The following ZNF236 variants were observed in gnomAD, a reference collection of about 807,000 sequenced individuals.
ZNF236 encodes the protein regulated by glucose.
In ZNF236, 50 loss-of-function variants were observed where a neutral mutation model predicts 191.2. That is an observed-to-expected ratio of 0.26 (90% CI 0.21 to 0.33). The LOEUF (loss-of-function observed/expected upper bound fraction) is 0.33, where lower values mean the gene tolerates loss of function less well. Among genes scored for constraint, ZNF236 ranks in the 10% least tolerant of loss-of-function variants. The pLI, the probability that ZNF236 is intolerant of heterozygous loss-of-function variation, is 1.00. For synonymous variants in ZNF236, 907 were observed against 928.8 expected (o/e 0.98, Z 0.43); for missense variants, 1,754 against 2,374.5 (o/e 0.74, Z 5.43).
intron 3 of ZNF236, among the ~76,000 whole-genome samples, chr18:76,856,611 A>G (rs938839259): frequency 6.6e-6 from 1 of 152,178 alleles, no homozygotes. Flanking sequence ...TTCCATGTTT[A>G]TTAGCCATGA....
At chr18:76,845,538 T>G (rs1975647811) in intron 1 of ZNF236, among the ~76,000 whole-genome samples, 1 of 152,116 alleles carries the variant, frequency 6.6e-6, no homozygotes, top group Non-Finnish European at 1.5e-5. Flanking sequence ...CAAGTCCTTC[T>G]TTTAGCTGTC....
intron 7 of ZNF236, among the ~76,000 whole-genome samples, chr18:76,878,482 TTC>T (rs1384279064): frequency 6.6e-6 from 1 of 152,228 alleles, no homozygotes; most frequent in African/African-American, 2.4e-5. Context: ...TAGGTAATAT[TTC>T]TCTTTTCTTA....
chr18:76,851,360 G>A (rs12185335), intron 2 of ZNF236, among the ~76,000 whole-genome samples: 4,405 of 149,940 alleles, frequency 0.029, 155 homozygotes, highest in African/African-American at 0.082. Flanking sequence ...TGGCCTCCCA[G>A]GTTCAAGTGA....
chr18:76,854,947 GAA>G (rs1244730149), intron 3 of ZNF236, among the ~76,000 whole-genome samples: 1 of 152,096 alleles, frequency 6.6e-6, no homozygotes, highest in African/African-American at 2.4e-5. Context: ...TTTGGAGGGA[GAA>G]GAGTCATGTT....
chr18:76,895,050 G>T lies in ZNF236; in HGVS notation c.1455G>T (p.Val485=), dbSNP rs754145764. 1.2e-5 allele frequency: 20 copies of T among 1,611,410 alleles called. No individual in the cohort carries two copies. The highest frequency in any genetic ancestry group is 1.6e-4 in the Middle Eastern group (1 of 6,062). Residue 485 remains valine (V), a synonymous_variant, in exon 10 of 31, where the codon GTG becomes GTT. Coordinates refer to ENST00000320610, the MANE Select transcript of ZNF236 (RefSeq NM_001306089.2). ...IREENGVRWH[V]CPYCAKEFRK... ...AGGAGAACGGCGTGCGCTGGCATGTGTGTCCCTACTGCGCCAAGGAGTTCC... is the reference window on the plus strand; with the variant it reads ...AGGAGAACGGCGTGCGCTGGCATGTTTGTCCCTACTGCGCCAAGGAGTTCC...
intron 25 of ZNF236, among the ~76,000 whole-genome samples, chr18:76,934,110 T>TA (rs1375435409): frequency 1.3e-5 from 2 of 152,248 alleles, no homozygotes; most frequent in African/African-American, 4.8e-5. Flanking sequence ...AAGCAAGGTT[T>TA]GGTTAAGACT....
chr18:76,863,665 C>T (rs1056149122), intron 3 of ZNF236, among the ~76,000 whole-genome samples: 5 of 151,670 alleles, frequency 3.3e-5, no homozygotes, highest in East Asian at 3.9e-4. Flanking sequence ...TGGGCTCAAG[C>T]GATCCTCCCA....
intron 3 of ZNF236, among the ~76,000 whole-genome samples, chr18:76,856,599 C>G (rs927588607): frequency 6.6e-6 from 1 of 152,150 alleles, no homozygotes; most frequent in Non-Finnish European, 1.5e-5. Context: ...AGTTTAGCAT[C>G]TTTCCATGTT....
intron 4 of ZNF236, among the ~76,000 whole-genome samples, chr18:76,870,682 T>C (rs1976558201): frequency 6.6e-6 from 1 of 151,936 alleles, no homozygotes; most frequent in South Asian, 2.1e-4. Flanking sequence ...GCGTGGGCCT[T>C]TCTGAGTGGG....
At chr18:76,943,873 TTTTAAG>T (rs1163784460) in intron 26 of ZNF236, among the ~76,000 whole-genome samples, 5 of 152,238 alleles carry the variant, frequency 3.3e-5, no homozygotes, top group Non-Finnish European at 7.3e-5. Context: ...CAATGTTTTG[TTTTAAG>T]TTTATTAAGA....
At chr18:76,892,921 G>T (rs1467644692) in intron 9 of ZNF236, among the ~76,000 whole-genome samples, 2 of 152,254 alleles carry the variant, frequency 1.3e-5, no homozygotes, top group African/African-American at 4.8e-5. Flanking sequence ...TGCCATGTGG[G>T]ATTGCAGATC....
intron 9 of ZNF236, 33 bp from the exon 10 acceptor site, chr18:76,894,980 A>G (rs1977357774): frequency 1.9e-6 from 3 of 1,600,374 alleles, no homozygotes; most frequent in Non-Finnish European, 2.5e-6. Context: ...CGGGGTGTCC[A>G]GGCCAAGCGG....
In ZNF236 at chr18:76,834,974, T is replaced by C. The variant is rs911319893; in HGVS notation, c.55+12312T>C. On this transcript the variant is annotated intron_variant, in intron 1 of 30. Transcript: ENST00000320610. ...TCCGGTTCTGTACCTACATTTTATT[T>C]TCTGTTTTTTTTTTTTTTTCTCAGC... is the stretch of plus-strand genomic sequence containing the variant. 242 of 152,554 alleles carry C rather than the reference T, an allele frequency of 1.6e-3. 1 individual carries two copies. The highest frequency in any genetic ancestry group is 0.01 in the East Asian group (56 of 5,430). The allele number at this position is 152,554 out of a possible 1,614,324, so 9.5% of individuals were successfully genotyped here.
At chr18:76,908,007 G>A (rs1967105498) in intron 13 of ZNF236, among the ~76,000 whole-genome samples, 3 of 152,140 alleles carry the variant, frequency 2.0e-5, no homozygotes, top group South Asian at 4.2e-4. Flanking sequence ...TGAGTTGGGA[G>A]AGTTTTACTT....
chr18:76,916,768 G>A (rs776786948), intron 19 of ZNF236, among the ~76,000 whole-genome samples: 1 of 152,186 alleles, frequency 6.6e-6, no homozygotes. Context: ...TGCCTGTGCC[G>A]CGGCCATCCT....
chr18:76,837,908 A>T (rs1253279794), intron 1 of ZNF236, among the ~76,000 whole-genome samples: 2 of 152,176 alleles, frequency 1.3e-5, no homozygotes. Context: ...TACTGTTTTG[A>T]TGTGTCAATG....
chr18:76,823,031 G>A (rs1224281909), intron 1 of ZNF236, among the ~76,000 whole-genome samples: 1 of 148,166 alleles, frequency 6.7e-6, no homozygotes, highest in Non-Finnish European at 1.5e-5. Context: ...GTTCCGTCCC[G>A]GGGCCGGAGG....
chr18:76,927,353 T>C lies in ZNF236; in HGVS notation c.4250T>C (p.Leu1417Pro), dbSNP rs765826272. 39 of 1,614,182 alleles carry C rather than the reference T, an allele frequency of 2.4e-5. 1 individual carries two copies. In the South Asian group the frequency reaches 3.0e-4, roughly 12 times the overall value. Residue 1417 changes from leucine to proline, a missense_variant, in exon 24 of 31, where the codon CTG (leucine) becomes CCG (proline). Leu to Pro is a moderately conservative substitution (Grantham distance 98, BLOSUM62 -3). Transcript: ENST00000320610. The surrounding 1 kb of genome is among the most constrained non-coding windows in gnomAD (Gnocchi z 5.4). ...CAGCAGCTCACGGGGGAGCCTGGCCTGGCCCCACAGAACAGCTCTCTCCAG... is the reference window on the plus strand; with the variant it reads ...CAGCAGCTCACGGGGGAGCCTGGCCCGGCCCCACAGAACAGCTCTCTCCAG... ...LAQQLTGEPG[L>P]APQNSSLQTS...
In ZNF236 at chr18:76,880,486, C is replaced by T. The variant is rs1040640395; in HGVS notation, c.1188+170C>T. Among the ~76,000 whole-genome samples the T allele has an allele frequency of 5.9e-5, 9 of 151,576 alleles. No individual in the cohort carries two copies. The highest frequency in any genetic ancestry group is 9.7e-5 in the African/African-American group (4 of 41,182). On this transcript the variant is annotated intron_variant, in intron 8 of 30. Coordinates refer to ENST00000320610, the MANE Select transcript of ZNF236 (RefSeq NM_001306089.2). The surrounding 1 kb of genome is among the most constrained non-coding windows in gnomAD (Gnocchi z 5.0). Reference sequence around the variant, plus strand: ...TGCCTACTTAATTGCTTATGGACGGCGCAACATTCAAATGATTTATTCATC... The same window carrying T: ...TGCCTACTTAATTGCTTATGGACGGTGCAACATTCAAATGATTTATTCATC...
Sources: gnomAD v4.1 joint callset for allele counts (sites outside exome capture counted in the v4.1 genomes callset) on GRCh38, gnomAD v4.1.1 for gene constraint, Gnocchi (gnomAD v3.1) non-coding constraint, MANE v1.5 for transcripts, NCBI Gene and HGNC (gene_info 2026-07-23, HGNC 2026-07-21) for gene names.